CSNK1G1: variants seen among roughly 807,000 people sequenced by gnomAD.
The protein encoded by CSNK1G1 is casein kinase I isoform gamma-1.
CSNK1G1 carries 22 observed loss-of-function variants against 59.6 expected under a neutral mutation model. That is an observed-to-expected ratio of 0.37 (90% CI 0.26 to 0.53). CSNK1G1 has a LOEUF of 0.53. Among genes scored for constraint, CSNK1G1 ranks in the 20% least tolerant of loss-of-function variants. CSNK1G1 has a pLI of 0.89. For synonymous variants in CSNK1G1, 179 were observed against 177.1 expected (o/e 1.01, Z -0.08); for missense variants, 384 against 519.5 (o/e 0.74, Z 2.54).
intron 2 of CSNK1G1, among the ~76,000 whole-genome samples, chr15:64,288,507 TTAAAGA>T (rs1894550347): frequency 6.6e-6 from 1 of 152,068 alleles, no homozygotes; most frequent in Admixed American, 6.6e-5. Flanking sequence ...GTTATTGGAA[TTAAAGA>T]TAAATTATAA....
intron 10 of CSNK1G1, among the ~76,000 whole-genome samples, chr15:64,196,752 A>G (rs2082043827): frequency 6.6e-6 from 1 of 151,312 alleles, no homozygotes; most frequent in African/African-American, 2.4e-5. Context: ...ATGCCCAGCA[A>G]TCACCTGAAC....
chr15:64,346,789 C>A (rs188133436), intron 1 of CSNK1G1, among the ~76,000 whole-genome samples: 6 of 152,048 alleles, frequency 3.9e-5, no homozygotes, highest in Admixed American at 2.0e-4. Flanking sequence ...ACACTAAAAG[C>A]ATTATCAATG....
chr15:64,175,388 G>A (rs1567355327), intron 11 of CSNK1G1, among the ~76,000 whole-genome samples: 1 of 152,040 alleles, frequency 6.6e-6, no homozygotes, highest in Non-Finnish European at 1.5e-5. Context: ...TTATGCGTGC[G>A]GACAATGTGG....
At chr15:64,276,461 T>C (rs751930161) in intron 2 of CSNK1G1, among the ~76,000 whole-genome samples, 2 of 152,346 alleles carry the variant, frequency 1.3e-5, no homozygotes, top group Non-Finnish European at 2.9e-5. Context: ...TATTTCATTA[T>C]GGGTCTGAAA....
intron 2 of CSNK1G1, among the ~76,000 whole-genome samples, chr15:64,285,404 C>G (rs915237493): frequency 2.0e-5 from 3 of 152,072 alleles, no homozygotes; most frequent in African/African-American, 7.2e-5. Flanking sequence ...CAAAAAAGCT[C>G]CATAAATTAG....
At chr15:64,263,615 T>G (rs1289815794) in intron 2 of CSNK1G1, among the ~76,000 whole-genome samples, 1 of 152,140 alleles carries the variant, frequency 6.6e-6, no homozygotes, top group Non-Finnish European at 1.5e-5. Context: ...AAGTTCCTAG[T>G]GTCTCCAATT....
chr15:64,260,326 T>C (rs1250160132), intron 2 of CSNK1G1, among the ~76,000 whole-genome samples: 2 of 152,176 alleles, frequency 1.3e-5, no homozygotes, highest in Non-Finnish European at 2.9e-5. Flanking sequence ...TTTTAAAATA[T>C]ACCAGTAAAT....
At chr15:64,350,112 A>C (rs1227467146) in intron 1 of CSNK1G1, among the ~76,000 whole-genome samples, 1 of 152,126 alleles carries the variant, frequency 6.6e-6, no homozygotes, top group Non-Finnish European at 1.5e-5. Context: ...TAAGACATCA[A>C]GTGAATAAAG....
intron 10 of CSNK1G1, among the ~76,000 whole-genome samples, chr15:64,186,893 G>A (rs183766003): frequency 6.6e-6 from 1 of 151,830 alleles, no homozygotes; most frequent in East Asian, 1.9e-4. Flanking sequence ...GCGTGATCTC[G>A]GCTCACTGCA....
intron 4 of CSNK1G1, among the ~76,000 whole-genome samples, chr15:64,248,812 G>A (rs1277887047): frequency 1.6e-4 from 24 of 151,248 alleles, no homozygotes; most frequent in African/African-American, 5.3e-4. Context: ...GTGAAACCCC[G>A]TCTCTACTAA....
chr15:64,240,981 A>G (rs2140304717), intron 4 of CSNK1G1, among the ~76,000 whole-genome samples: 1 of 152,334 alleles, frequency 6.6e-6, no homozygotes, highest in African/African-American at 2.4e-5. Flanking sequence ...AAGCAACCAG[A>G]AAAAGATTAA....
At chr15:64,257,396 G>A (rs528245138) in intron 3 of CSNK1G1, among the ~76,000 whole-genome samples, 3 of 152,160 alleles carry the variant, frequency 2.0e-5, no homozygotes, top group African/African-American at 7.2e-5. Context: ...TGTTCTCTTA[G>A]AAGTCCCAAA....
intron 1 of CSNK1G1, among the ~76,000 whole-genome samples, chr15:64,339,638 T>C (rs1455533024): frequency 6.6e-6 from 1 of 152,068 alleles, no homozygotes; most frequent in African/African-American, 2.4e-5. Flanking sequence ...CTCCAGAAAA[T>C]TCCAATACAT....
intron 11 of CSNK1G1, among the ~76,000 whole-genome samples, chr15:64,178,904 C>T (rs1231558950): frequency 6.6e-6 from 1 of 151,948 alleles, no homozygotes; most frequent in Admixed American, 6.6e-5. Context: ...GTGCATACCA[C>T]CATGCCCAGC....
intron 2 of CSNK1G1, 131 bp from the exon 3 acceptor site, chr15:64,259,372 T>C (rs1486714276): frequency 1.1e-5 from 7 of 632,588 alleles, no homozygotes; most frequent in Non-Finnish European, 1.9e-5. Context: ...ACTTGATTTA[T>C]AAGCGAAAAG....
At chr15:64,320,678 CAAAAAAAAA>C (rs1031206646) in intron 1 of CSNK1G1, among the ~76,000 whole-genome samples, 1 of 43,154 alleles carries the variant, frequency 2.3e-5, no homozygotes, top group African/African-American at 7.9e-5. Context: ...GGCTCCATCA[CAAAAAAAAA>C]AAAAAAAAAG....
chr15:64,255,758 T>G (rs980561987), intron 3 of CSNK1G1, among the ~76,000 whole-genome samples: 2 of 152,194 alleles, frequency 1.3e-5, no homozygotes, highest in Admixed American at 1.3e-4. Context: ...TCTTAAGATA[T>G]AGAATCCATT....
At chr15:64,268,200 T>A (rs995173121) in intron 2 of CSNK1G1, among the ~76,000 whole-genome samples, 1 of 152,132 alleles carries the variant, frequency 6.6e-6, no homozygotes, top group Non-Finnish European at 1.5e-5. Context: ...ATGGAGAACA[T>A]GTTAAGTGAA....
intron 11 of CSNK1G1, among the ~76,000 whole-genome samples, chr15:64,174,338 T>C (rs538279448): frequency 2.4e-4 from 36 of 152,246 alleles, no homozygotes; most frequent in Non-Finnish European, 4.1e-4. Flanking sequence ...TTTAGAGCCC[T>C]GGATTTATCT....
Sources: gnomAD v4.1 joint callset for allele counts (sites outside exome capture counted in the v4.1 genomes callset) on GRCh38, gnomAD v4.1.1 for gene constraint, MANE v1.5 for transcripts, NCBI Gene and HGNC (gene_info 2026-07-23, HGNC 2026-07-21) for gene names.